The following WIF1 variants were observed in gnomAD, a reference collection of about 807,000 sequenced individuals.
The protein encoded by WIF1 is Wnt inhibitory factor 1.
WIF1 carries 35 observed loss-of-function variants against 53.5 expected under a neutral mutation model. The ratio of observed to expected loss-of-function variants is 0.65; its 90% CI spans 0.50 to 0.87. The LOEUF (loss-of-function observed/expected upper bound fraction) is 0.87. Among genes scored for constraint, WIF1 ranks in the 40% least tolerant of loss-of-function variants. WIF1 has a pLI of 0.00. For missense variants in WIF1, 467 were observed against 476.8 expected (o/e 0.98, Z 0.19); for synonymous variants, 171 against 170.4 (o/e 1.00, Z -0.03).
intron 7 of WIF1, among the ~76,000 whole-genome samples, chr12:65,060,024 A>T (rs576726267): frequency 1.5e-3 from 36 of 23,388 alleles, no homozygotes; most frequent in African/African-American, 3.1e-3. Flanking sequence ...CATTTCATTT[A>T]AAAAAAAAAC....
chr12:65,055,973 A>G, intron 8 of WIF1, 58 bp downstream of exon 8: 1 of 1,488,246 alleles, frequency 6.7e-7, no homozygotes, highest in Non-Finnish European at 9.3e-7. Flanking sequence ...GTAGTGAGAG[A>G]CTCCTGCTAG....
At chr12:65,068,998 C>CA (rs1882732152) in intron 3 of WIF1, 94 bp from the exon 4 acceptor site, 2 of 1,349,618 alleles carry the variant, frequency 1.5e-6, no homozygotes, top group Admixed American at 2.3e-5. Flanking sequence ...AAGGACAAAG[C>CA]AAAAATGTTC....
At chr12:65,094,998 T>C (rs1362590088) in intron 2 of WIF1, among the ~76,000 whole-genome samples, 1 of 151,794 alleles carries the variant, frequency 6.6e-6, no homozygotes, top group African/African-American at 2.4e-5. Flanking sequence ...AGTGGTGCAA[T>C]TTTGACTCAC....
chr12:65,091,531 C>T (rs993929016), intron 2 of WIF1, among the ~76,000 whole-genome samples: 2 of 151,622 alleles, frequency 1.3e-5, no homozygotes, highest in African/African-American at 4.8e-5. Flanking sequence ...AAATTAAATT[C>T]AATATTGTAT....
chr12:65,110,266 G>A (rs1883410523), intron 2 of WIF1, among the ~76,000 whole-genome samples: 1 of 87,218 alleles, frequency 1.1e-5, no homozygotes, highest in Non-Finnish European at 2.2e-5. Context: ...CCCTTCCCCT[G>A]GCCCCCAATA....
At chr12:65,077,554 T>C (rs1452185481) in intron 3 of WIF1, among the ~76,000 whole-genome samples, 192 bp downstream of exon 3, 1 of 152,126 alleles carries the variant, frequency 6.6e-6, no homozygotes, top group Admixed American at 6.5e-5. Flanking sequence ...TTTAGAAAAT[T>C]ATATAACCAT....
intron 2 of WIF1, among the ~76,000 whole-genome samples, chr12:65,091,793 A>G (rs1316882819): frequency 1.3e-5 from 2 of 152,214 alleles, no homozygotes; most frequent in African/African-American, 4.8e-5. Context: ...GCAAATCATT[A>G]TATCTGGCTG....
intron 2 of WIF1, among the ~76,000 whole-genome samples, chr12:65,097,047 A>G (rs1592400120): frequency 6.6e-6 from 1 of 151,756 alleles, no homozygotes; most frequent in South Asian, 2.1e-4. Context: ...AAACAGATCA[A>G]CAGAAAAAAA....
intron 2 of WIF1, among the ~76,000 whole-genome samples, chr12:65,094,605 G>T (rs936549305): frequency 1.3e-5 from 2 of 151,914 alleles, no homozygotes; most frequent in African/African-American, 4.8e-5. Flanking sequence ...CTATCTAAGG[G>T]GGCAACAAAG....
intron 2 of WIF1, among the ~76,000 whole-genome samples, chr12:65,105,986 T>C (rs1296831559): frequency 2.0e-5 from 3 of 152,216 alleles, no homozygotes; most frequent in East Asian, 1.9e-4. Context: ...ACAGGCCAGC[T>C]TGACCCTTGA....
At chr12:65,095,435 T>G (rs1012011712) in intron 2 of WIF1, among the ~76,000 whole-genome samples, 1 of 152,182 alleles carries the variant, frequency 6.6e-6, no homozygotes, top group Non-Finnish European at 1.5e-5. Flanking sequence ...ATACATTCAT[T>G]GTACTCATTG....
chr12:65,105,547 C>T (rs1013755442), intron 2 of WIF1, among the ~76,000 whole-genome samples: 3 of 152,228 alleles, frequency 2.0e-5, no homozygotes, highest in South Asian at 2.1e-4. Flanking sequence ...CACAATATGG[C>T]GGAGAAGCAG....
intron 3 of WIF1, among the ~76,000 whole-genome samples, chr12:65,076,117 A>T (rs1246188831): frequency 6.6e-6 from 1 of 151,992 alleles, no homozygotes; most frequent in East Asian, 1.9e-4. Flanking sequence ...AGCTCACTGC[A>T]GCCTCCACCT....
chr12:65,074,252 G>A (rs1412274328), intron 3 of WIF1, among the ~76,000 whole-genome samples: 2 of 151,196 alleles, frequency 1.3e-5, no homozygotes, highest in East Asian at 3.9e-4. Flanking sequence ...TTTTTAACTA[G>A]ACACAAAAAG....
chr12:65,107,379 C>T (rs1249134714), intron 2 of WIF1, among the ~76,000 whole-genome samples: 3 of 152,218 alleles, frequency 2.0e-5, no homozygotes, highest in Non-Finnish European at 2.9e-5. Context: ...AATCCCACCA[C>T]TTTGGGAGGC....
intron 7 of WIF1, among the ~76,000 whole-genome samples, chr12:65,057,305 TA>T (rs1882544209): frequency 6.6e-6 from 1 of 152,210 alleles, no homozygotes; most frequent in Non-Finnish European, 1.5e-5. Flanking sequence ...TGATACTTGG[TA>T]ATTTCTTTTA....
At position 65,115,174 on chromosome 12, in the gene WIF1, T is replaced by TAA. The variant is rs35429732; in HGVS notation, c.288+5241_288+5242dup. 2.5e-3 allele frequency among the ~76,000 whole-genome samples: 270 copies of TAA among 106,728 alleles called. 1 individual carries two copies. Among genetic ancestry groups the TAA allele is most frequent in the African/African-American group, 7.5e-3 (204 of 27,200 alleles). 70.0% of individuals were successfully genotyped at this position (106,728 alleles called of 152,430 possible). A position where few individuals can be genotyped will look rare whatever the true frequency, so the allele number is the denominator to read the frequency against. The stretch of plus-strand genomic sequence containing the variant: ...CTCGGCATAAATCCTTTGTCATTGC[T>TAA]AAAAAAAAAAAAAAAAAAAAAGGCA... On this transcript the variant is annotated intron_variant, in intron 2 of 9. Transcript: ENST00000286574.
Position 65,066,724 on chromosome 12 carries a change from G to C in WIF1, c.647C>G (p.Pro216Arg), listed in dbSNP as rs1882692430. The C allele has an allele frequency of 6.2e-7, 1 of 1,605,436 alleles. No individual in the cohort carries two copies. The highest frequency in any genetic ancestry group is 1.3e-5 in the African/African-American group (1 of 74,524). Residue 216 changes from proline to arginine, a missense_variant, in exon 6 of 10, where the codon CCA (proline) becomes CGA (arginine). Coordinates refer to ENST00000286574, the MANE Select transcript of WIF1 (RefSeq NM_007191.5). ...ACAAAGTCCACCATTCATACATCGT[G>C]GGGTACAAAGGGCTTATAGGGAGAG... ...GPHCEKALCT[P>R]RCMNGGLCVT...
At chr12:65,103,520 G>C (rs1256345273) in intron 2 of WIF1, among the ~76,000 whole-genome samples, 1 of 152,118 alleles carries the variant, frequency 6.6e-6, no homozygotes, top group Non-Finnish European at 1.5e-5. Context: ...TGAGAAACTA[G>C]ATAAATGTTC....
Sources: allele counts gnomAD v4.1 joint callset (sites outside exome capture counted in the v4.1 genomes callset), GRCh38; gene constraint gnomAD v4.1.1; transcripts MANE v1.5; gene names NCBI Gene and HGNC (gene_info 2026-07-23, HGNC 2026-07-21).